Variants in PLCG2 observed in about 807,000 individuals in gnomAD.
PLCG2 encodes phospholipase C gamma 2.
PLCG2 carries 69 observed loss-of-function variants against 175.6 expected under a neutral mutation model. The observed-to-expected ratio is 0.39, with a 90% CI of 0.32 to 0.48. PLCG2 has a LOEUF of 0.48. PLCG2 is among the 20% of genes least tolerant of loss of function. The pLI is 0.91. For missense variants in PLCG2, 1,798 were observed against 1,650.9 expected (o/e 1.09, Z -1.54); for synonymous variants, 827 against 624.0 (o/e 1.33, Z -4.85).
At chr16:81,838,613 G>A (rs1293204984) in intron 2 of PLCG2, among the ~76,000 whole-genome samples, 1 of 151,892 alleles carries the variant, frequency 6.6e-6, no homozygotes, top group East Asian at 1.9e-4. Flanking sequence ...CTGTCAGGGG[G>A]TGGGGGCAAG....
intron 21 of PLCG2, 133 bp from the exon 22 acceptor site, chr16:81,923,352 C>T (rs1910133688): frequency 6.7e-6 from 4 of 597,876 alleles, no homozygotes; most frequent in African/African-American, 1.9e-5. Flanking sequence ...CCCTCTCCAG[C>T]AGATGACTTT....
At chr16:81,819,395 G>A (rs1416313356) in intron 2 of PLCG2, among the ~76,000 whole-genome samples, 1 of 152,066 alleles carries the variant, frequency 6.6e-6, no homozygotes, top group Non-Finnish European at 1.5e-5. Flanking sequence ...GAGCTCCTGC[G>A]AATCCCCTTG....
chr16:81,788,768 A>G lies in PLCG2; in HGVS notation c.193+2586A>G, dbSNP rs113986803. On this transcript the variant is annotated intron_variant, in intron 2 of 32. Coordinates refer to ENST00000564138, the MANE Select transcript of PLCG2 (RefSeq NM_002661.5). ...GCCCAGTGGGTCTCTTGTGGCACAGAGCCAGAGCCCTGCTTTGGAACTGCC... is the reference window on the plus strand; with the variant it reads ...GCCCAGTGGGTCTCTTGTGGCACAGGGCCAGAGCCCTGCTTTGGAACTGCC... Among the ~76,000 whole-genome samples, 5 of 152,308 alleles carry G rather than the reference A, an allele frequency of 3.3e-5. 1 individual carries two copies. The highest frequency in any genetic ancestry group is 1.2e-4 in the African/African-American group (5 of 41,560).
rs550510703 is a variant in PLCG2 at position 81,905,547 on chromosome 16, C to T, written c.1467+40C>T. On this transcript the variant is annotated intron_variant, in intron 15 of 32. Transcript: ENST00000564138. ...CTTCCCGTAGCCACTGCGGCCACGC[C>T]CCTTGCAGCTGCTTCTTGGAGCCCT... 2.6e-3 allele frequency: 3,384 copies of T among 1,302,154 alleles called. 16 individuals carry two copies. The highest frequency in any genetic ancestry group is 3.3e-3 in the Non-Finnish European group (2,966 of 898,090). 80.7% of individuals were successfully genotyped at this position (1,302,154 alleles called of 1,614,324 possible).
intron 1 of PLCG2, among the ~76,000 whole-genome samples, chr16:81,750,690 T>TAC (rs1231968545): frequency 7.2e-6 from 1 of 139,388 alleles, no homozygotes; most frequent in Non-Finnish European, 1.6e-5. Context: ...TTTTTTGAGA[T>TAC]AGAGTCTCCC....
At chr16:81,879,513 C>G (rs1424121284) in intron 7 of PLCG2, among the ~76,000 whole-genome samples, 1 of 152,164 alleles carries the variant, frequency 6.6e-6, no homozygotes, top group Non-Finnish European at 1.5e-5. Context: ...TGTGGACTCT[C>G]TGATGCTTCT....
rs1200235855 is a variant in PLCG2, at chr16:81,900,669, G to T, written c.1251G>T (p.Met417Ile). 6.2e-7 allele frequency: 1 copy of T among 1,612,644 alleles called. No homozygotes were observed. The highest frequency in any genetic ancestry group is 1.7e-5 in the Admixed American group (1 of 59,998). The change falls in exon 14 of 33, where the codon ATG (methionine) becomes ATT (isoleucine). Residue 417 changes from methionine (M) to isoleucine (I), a missense_variant. Met to Ile is a conservative substitution (Grantham distance 10). Transcript: ENST00000564138. ...EHCSVEQQRH[M>I]AKAFKEVFGD... ...GCAGCGTGGAGCAACAGCGTCACAT[G>T]GCCAAGGCCTTCAAGGAAGTATTTG...
chr16:81,917,744 T>G (rs189526074), intron 19 of PLCG2, among the ~76,000 whole-genome samples: 25 of 152,352 alleles, frequency 1.6e-4, no homozygotes, highest in African/African-American at 5.8e-4. Context: ...TTTTTTGAGA[T>G]GGAGTCTTGC....
At chr16:81,850,181 T>G (rs1906333114) in intron 2 of PLCG2, among the ~76,000 whole-genome samples, 2 of 152,224 alleles carry the variant, frequency 1.3e-5, no homozygotes, top group Non-Finnish European at 2.9e-5. Context: ...CTGGGGAAAT[T>G]TAAATACAGA....
At chr16:81,838,819 T>G (rs73590821) in intron 2 of PLCG2, among the ~76,000 whole-genome samples, 1 of 149,114 alleles carries the variant, frequency 6.7e-6, no homozygotes, top group African/African-American at 2.5e-5. Context: ...GTAAATAACA[T>G]AGATGTGGTA....
chr16:81,811,945 G>A (rs561395041), intron 2 of PLCG2, among the ~76,000 whole-genome samples: 4 of 151,788 alleles, frequency 2.6e-5, no homozygotes, highest in Admixed American at 6.6e-5. Flanking sequence ...GAATTGCAAC[G>A]CTGTCTTCCA....
chr16:81,885,850 G>A (rs1408755827), intron 9 of PLCG2, among the ~76,000 whole-genome samples: 1 of 152,126 alleles, frequency 6.6e-6, no homozygotes, highest in Non-Finnish European at 1.5e-5. Flanking sequence ...ATGTTGATGC[G>A]TGTTGTAATC....
At position 81,961,151 on chromosome 16, in the gene PLCG2, T is replaced by C; in HGVS notation, c.*3153T>C. 1 of 230,600 alleles carries C rather than the reference T, an allele frequency of 4.3e-6. No individual in the cohort carries two copies. Among genetic ancestry groups the C allele is most frequent in the Non-Finnish European group, 8.6e-6 (1 of 116,392 alleles). The allele number at this position is 230,600 out of a possible 1,614,324, so 14.3% of individuals were successfully genotyped here. A position where few individuals can be genotyped will look rare whatever the true frequency, so the allele number is the denominator to read the frequency against. ...GGAACAGCCTGTAGATTTCTGAGTC[T>C]CTTAGCATGTAACTACAAAGGGGTT... On this transcript the variant is annotated 3_prime_UTR_variant, in exon 33 of 33. Transcript: ENST00000564138.
At chr16:81,886,504 C>G (rs749853236) in intron 9 of PLCG2, among the ~76,000 whole-genome samples, 1 of 152,202 alleles carries the variant, frequency 6.6e-6, no homozygotes, top group Non-Finnish European at 1.5e-5. Context: ...CTCCCAGACA[C>G]TTATCCTAAG....
Position 81,889,211 on chromosome 16 carries a change from A to G in PLCG2, c.805A>G (p.Met269Val), listed in dbSNP as rs1261209099. The change falls in exon 10 of 33, where the codon ATG becomes GTG. Residue 269 changes from methionine to valine, a missense_variant. Transcript: ENST00000564138. ...GGATCTGAACAAAGTCCGTGAGCGG[A>G]TGACAAAGTTCATTGATGACACCAT... ...AQDLNKVRERMTKFIDDTMRE... is the reference protein window; with the variant it reads ...AQDLNKVRERVTKFIDDTMRE... 2 of 1,606,768 alleles carry G rather than the reference A, an allele frequency of 1.2e-6. No homozygotes were observed. Among genetic ancestry groups the G allele is most frequent in the Non-Finnish European group, 8.5e-7 (1 of 1,176,702 alleles).
chr16:81,844,739 G>GAGAC (rs1276493133), intron 2 of PLCG2, among the ~76,000 whole-genome samples: 2 of 152,246 alleles, frequency 1.3e-5, no homozygotes, highest in African/African-American at 4.8e-5. Context: ...TAGACATTCA[G>GAGAC]ATAGTGAGAA....
chr16:81,824,082 TCCTGTCCTG>T (rs1206602096), intron 2 of PLCG2, among the ~76,000 whole-genome samples: 1 of 142,246 alleles, frequency 7.0e-6, no homozygotes, highest in Admixed American at 7.2e-5. Flanking sequence ...TCCTGTCCTG[TCCTGTCCTG>T]TCCTTTCCTT....
chr16:81,951,049 G>A (rs963736193), intron 31 of PLCG2, among the ~76,000 whole-genome samples: 3 of 152,204 alleles, frequency 2.0e-5, no homozygotes, highest in African/African-American at 7.2e-5. Flanking sequence ...ATACAGTGGT[G>A]TGATCATGGC....
intron 7 of PLCG2, among the ~76,000 whole-genome samples, chr16:81,876,960 G>A (rs1453676912): frequency 6.6e-6 from 1 of 152,234 alleles, no homozygotes; most frequent in South Asian, 2.1e-4. Flanking sequence ...GGCCTGGGTT[G>A]AAATTCTGGC....
Sources: gnomAD v4.1 joint callset for allele counts (sites outside exome capture counted in the v4.1 genomes callset) on GRCh38, gnomAD v4.1.1 for gene constraint, MANE v1.5 for transcripts, NCBI Gene and HGNC (gene_info 2026-07-23, HGNC 2026-07-21) for gene names.